NR1H2: variants seen among roughly 807,000 people sequenced by gnomAD.
NR1H2 encodes nuclear receptor subfamily 1 group H member 2.
Under a neutral mutation model 51.2 loss-of-function variants are expected in NR1H2, and 33 were observed. The ratio of observed to expected loss-of-function variants is 0.64; its 90% CI spans 0.49 to 0.86. NR1H2 has a LOEUF of 0.86. NR1H2 is among the 40% of genes least tolerant of loss of function. NR1H2 has a pLI of 0.00. For missense variants in NR1H2, 592 were observed against 639.9 expected, an observed-to-expected ratio of 0.93 and a Z score of 0.81; for synonymous variants, 310 against 264.3, an observed-to-expected ratio of 1.17 and a Z score of -1.68.
In NR1H2 at chr19:50,382,194, C is replaced by A. The variant is rs1035640434; in HGVS notation, c.1236+20C>A. On this transcript the variant is annotated intron_variant, in intron 9 of 9. Transcript: ENST00000253727. ...CCGCAGGTAGGGCCCCGCAGAGCCT[C>A]TGCGCAGAGCCAACTACGTCCCGCG... 5 of 1,505,252 alleles carry A rather than the reference C, an allele frequency of 3.3e-6. No homozygotes were observed. In the African/African-American group the frequency reaches 5.6e-5, roughly 17 times the overall value. The allele number at this position is 1,505,252 out of a possible 1,614,324, so 93.2% of individuals were successfully genotyped here.
chr19:50,379,843 G>A lies in NR1H2; in HGVS notation c.991G>A (p.Asp331Asn). The change falls in exon 8 of 10, where the codon GAC (aspartate) becomes AAC (asparagine). Residue 331 changes from aspartate to asparagine, a missense_variant. Transcript: ENST00000253727. Reference protein sequence around the residue: ...HETECITFLKDFTYSKDDFHR... With the variant: ...HETECITFLKNFTYSKDDFHR... ...GACAGAGTGTATCACCTTCTTGAAG[G>A]ACTTCACCTACAGCAAGGACGACTT... The A allele has an allele frequency of 5.0e-6, 8 of 1,614,024 alleles. No individual in the cohort carries two copies. The highest frequency in any genetic ancestry group is 6.8e-6 in the Non-Finnish European group (8 of 1,179,918).
rs1299135591 is a variant in NR1H2, at chr19:50,378,297, C to T, written c.330C>T (p.Phe110=). 13 of 1,613,430 alleles carry T rather than the reference C, an allele frequency of 8.1e-6. No homozygotes were observed. The highest frequency in any genetic ancestry group is 1.1e-5 in the Non-Finnish European group (13 of 1,180,038). Residue 110 remains phenylalanine (F), a synonymous_variant, in exon 5 of 10, where the codon TTC becomes TTT. Transcript: ENST00000253727. The stretch of plus-strand genomic sequence containing the variant: ...TCAGCTGCGAAGGCTGCAAGGGCTT[C>T]TTCCGGCGCAGTGTGGTCCGTGGTG... ...NVLSCEGCKG[F]FRRSVVRGGA...
intron 8 of NR1H2, 26 bp from the exon 9 acceptor site, chr19:50,381,940 G>A (rs1413028298): frequency 1.3e-6 from 2 of 1,535,956 alleles, no homozygotes; most frequent in Non-Finnish European, 1.8e-6. Context: ...GGCTGAGGGA[G>A]TCACGGGCTG....
chr19:50,377,605 C>T lies in NR1H2; in HGVS notation c.-1C>T, dbSNP rs2037688270. 3 of 1,613,824 alleles carry T rather than the reference C, an allele frequency of 1.9e-6. No homozygotes were observed. Among genetic ancestry groups the T allele is most frequent in the South Asian group, 1.1e-5 (1 of 91,072 alleles). ...TCTACAGGCTGCTCCGTGACCCCAC[C>T]ATGTCCTCTCCTACCACGAGTTCCC... is the stretch of plus-strand genomic sequence containing the variant. On this transcript the variant is annotated 5_prime_UTR_variant, in exon 3 of 10. Transcript: ENST00000253727.
intron 8 of NR1H2, 36 bp from the exon 9 acceptor site, chr19:50,381,930 G>T: frequency 6.6e-7 from 1 of 1,523,674 alleles, no homozygotes; most frequent in Non-Finnish European, 8.9e-7. Context: ...CACGGTTTCG[G>T]GCTGAGGGAG....
At chr19:50,376,984 G>A (rs2037676075) in intron 2 of NR1H2, among the ~76,000 whole-genome samples, 158 bp downstream of exon 2, 1 of 139,860 alleles carries the variant, frequency 7.2e-6, no homozygotes, top group Non-Finnish European at 1.6e-5. Flanking sequence ...CTGGAGCGAG[G>A]TTGTGGGGGT....
chr19:50,378,689 G>T lies in NR1H2; in HGVS notation c.640G>T (p.Gly214Cys), dbSNP rs914566410. 6 of 1,613,704 alleles carry T rather than the reference G, an allele frequency of 3.7e-6. No homozygotes were observed. In the African/African-American group the frequency reaches 8.0e-5, roughly 22 times the overall value. The change falls in exon 6 of 10, where the codon GGC becomes TGC. Residue 214 changes from glycine to cysteine, a missense_variant. Transcript: ENST00000253727. Reference protein sequence around the residue: ...SEAGSQGSGEGEGVQLTAAQE... With the variant: ...SEAGSQGSGECEGVQLTAAQE... ...GGCAGGCAGCCAGGGCTCCGGGGAA[G>T]GCGAGGGTGTCCAGCTAACAGCGGC... is the stretch of plus-strand genomic sequence containing the variant.
chr19:50,379,583 T>C (rs983419500), intron 7 of NR1H2, among the ~76,000 whole-genome samples, 197 bp from the exon 8 acceptor site: 7 of 152,144 alleles, frequency 4.6e-5, no homozygotes, highest in African/African-American at 1.4e-4. Context: ...GGATGCAGCA[T>C]GTGCGGAAGC....
Position 50,377,592 on chromosome 19 carries a change from T to C in NR1H2, c.-14T>C. 6.2e-7 allele frequency: 1 copy of C among 1,613,440 alleles called. No individual in the cohort carries two copies. The highest frequency in any genetic ancestry group is 8.5e-7 in the Non-Finnish European group (1 of 1,179,586). ...CAATCCCCTGTATTCTACAGGCTGC[T>C]CCGTGACCCCACCATGTCCTCTCCT... is the stretch of plus-strand genomic sequence containing the variant. On this transcript the variant is annotated 5_prime_UTR_variant, in exon 3 of 10. Coordinates refer to ENST00000253727, the MANE Select transcript of NR1H2 (RefSeq NM_007121.7).
chr19:50,379,751 C>T (rs754626380), intron 7 of NR1H2, 29 bp from the exon 8 acceptor site: 5 of 1,486,022 alleles, frequency 3.4e-6, no homozygotes, highest in East Asian at 4.5e-5. Context: ...TCACAGGGCT[C>T]AAGCTCCCCC....
At chr19:50,381,363 A>G (rs1031883525) in intron 8 of NR1H2, among the ~76,000 whole-genome samples, 7 of 152,148 alleles carry the variant, frequency 4.6e-5, no homozygotes, top group Non-Finnish European at 1.0e-4. Context: ...CCTTGTGTAA[A>G]ATAGAACCAT....
chr19:50,379,281 A>G, intron 7 of NR1H2, 100 bp downstream of exon 7: 3 of 1,273,664 alleles, frequency 2.4e-6, no homozygotes, highest in East Asian at 2.4e-5. Context: ...GTAGGATGAC[A>G]TTCCACGGCG....
rs369796114 is a variant in NR1H2, at chr19:50,379,900, C to T, written c.1027+21C>T. 6.0e-5 allele frequency: 93 copies of T among 1,553,478 alleles called. 1 individual carries two copies. Among genetic ancestry groups the T allele is most frequent in the Middle Eastern group, 3.4e-4 (2 of 5,934 alleles). On this transcript the variant is annotated intron_variant, in intron 8 of 9. Coordinates refer to ENST00000253727, the MANE Select transcript of NR1H2 (RefSeq NM_007121.7). ...TGCAGGTAGGGCCCAGGGGAGGCTT[C>T]GGGGAGGCTTGGCGCCCCTGCTGGC...
At chr19:50,378,018 C>T (rs1179047004) in intron 4 of NR1H2, 131 bp from the exon 5 acceptor site, 10 of 1,420,970 alleles carry the variant, frequency 7.0e-6, no homozygotes, top group Middle Eastern at 2.5e-4. Context: ...TTGCAATTTC[C>T]CTGAATGTGA....
In NR1H2 at chr19:50,379,772, G is replaced by A. The variant is rs371857003; in HGVS notation, c.928-8G>A. 451 of 1,603,362 alleles carry A rather than the reference G, an allele frequency of 2.8e-4. 3 individuals carry two copies. Among genetic ancestry groups the A allele is most frequent in the South Asian group, 2.3e-3 (209 of 90,876 alleles). On this transcript the variant is annotated splice_region_variant and splice_polypyrimidine_tract_variant and intron_variant, in intron 7 of 9. Coordinates refer to ENST00000253727, the MANE Select transcript of NR1H2 (RefSeq NM_007121.7). ...GGCTCAAGCTCCCCCTCCCGCTGCC[G>A]CCCTTAGATCATGCTGCTAGAGACA...
At chr19:50,379,325 A>G (rs1039458341) in intron 7 of NR1H2, 144 bp downstream of exon 7, 3 of 971,724 alleles carry the variant, frequency 3.1e-6, no homozygotes, top group Non-Finnish European at 4.4e-6. Flanking sequence ...GAGAGAAAGG[A>G]AAAAGGGTCT....
chr19:50,381,583 T>C (rs2037765924), intron 8 of NR1H2, among the ~76,000 whole-genome samples: 1 of 152,230 alleles, frequency 6.6e-6, no homozygotes, highest in African/African-American at 2.4e-5. Flanking sequence ...GTTTGGGCTT[T>C]ACCTTGAGCA....
At chr19:50,382,303 CGACTGGGAGCCAGGT>C in intron 9 of NR1H2, 129 bp downstream of exon 9, 1 of 1,336,890 alleles carries the variant, frequency 7.5e-7, no homozygotes, top group East Asian at 2.5e-5. Flanking sequence ...CCACCCTGCT[CGACTGGGAGCCAGGT>C]CTAGTCCAAG....
intron 8 of NR1H2, 112 bp downstream of exon 8, chr19:50,379,991 A>AG: frequency 1.3e-6 from 1 of 751,318 alleles, no homozygotes; most frequent in Non-Finnish European, 2.3e-6. Flanking sequence ...AGTTGGGGTG[A>AG]GGGTTGAGCC....
Sources: allele counts gnomAD v4.1 joint callset (sites outside exome capture counted in the v4.1 genomes callset), GRCh38; gene constraint gnomAD v4.1.1; transcripts MANE v1.5; gene names NCBI Gene and HGNC (gene_info 2026-07-23, HGNC 2026-07-21).